The following CDH4 variants were observed in gnomAD, a reference collection of about 807,000 sequenced individuals.
The protein encoded by CDH4 is cadherin 4.
In CDH4, 33 loss-of-function variants were observed where a neutral mutation model predicts 86.0. The ratio of observed to expected loss-of-function variants is 0.38; its 90% CI spans 0.29 to 0.51. The LOEUF is 0.51. CDH4 is among the 20% of genes least tolerant of loss of function. The pLI, the probability that CDH4 is intolerant of heterozygous loss-of-function variation, is 0.86. For missense variants in CDH4, 1,114 were observed against 1,307.4 expected, an observed-to-expected ratio of 0.85 and a Z score of 2.28; for synonymous variants, 555 against 549.4, an observed-to-expected ratio of 1.01 and a Z score of -0.14.
intron 4 of CDH4, among the ~76,000 whole-genome samples, chr20:61,795,338 C>T (rs1326606480): frequency 6.6e-6 from 1 of 151,854 alleles, no homozygotes; most frequent in Non-Finnish European, 1.5e-5. Context: ...ATCCTGAGCC[C>T]CATCAGCCAG....
chr20:61,560,080 TC>T (rs1600758643), intron 2 of CDH4, among the ~76,000 whole-genome samples: 1 of 152,150 alleles, frequency 6.6e-6, no homozygotes, highest in East Asian at 1.9e-4. Flanking sequence ...ACCCTGCCAC[TC>T]GAACTTCGGA....
intron 6 of CDH4, among the ~76,000 whole-genome samples, chr20:61,868,579 C>A (rs1234842930): frequency 6.6e-6 from 1 of 152,210 alleles, no homozygotes; most frequent in Non-Finnish European, 1.5e-5. Flanking sequence ...GCAAACCAGG[C>A]GATTATACCT....
intron 4 of CDH4, among the ~76,000 whole-genome samples, chr20:61,823,650 C>A (rs1981170933): frequency 6.6e-6 from 1 of 152,134 alleles, no homozygotes; most frequent in Non-Finnish European, 1.5e-5. Flanking sequence ...CTCTTTGTAT[C>A]CCAAACCCAT....
chr20:61,743,540 A>G (rs1434410100), intron 2 of CDH4, 23 bp from the exon 3 acceptor site: 1 of 1,544,388 alleles, frequency 6.5e-7, no homozygotes, highest in Non-Finnish European at 8.8e-7. Flanking sequence ...GCCGACCCTG[A>G]CTCTCTCCCC....
At position 61,271,989 on chromosome 20, in the gene CDH4, G is replaced by A. The variant is rs1037063772; in HGVS notation, c.169+17052G>A. Among the ~76,000 whole-genome samples the A allele has an allele frequency of 3.9e-5, 6 of 152,202 alleles. 1 individual carries two copies. The highest frequency in any genetic ancestry group is 2.1e-4 in the South Asian group (1 of 4,832). On this transcript the variant is annotated intron_variant, in intron 2 of 15. Coordinates refer to ENST00000614565, the MANE Select transcript of CDH4 (RefSeq NM_001794.5). ...TGCATGGAGGACGGCCAGAGAGAGC[G>A]GGGGACCGGGAGGCAAGGCGCTGCT... is the stretch of plus-strand genomic sequence containing the variant.
intron 2 of CDH4, among the ~76,000 whole-genome samples, chr20:61,549,319 A>T (rs908147571): frequency 6.6e-6 from 1 of 152,138 alleles, no homozygotes; most frequent in Non-Finnish European, 1.5e-5. Context: ...ACTCCCTCCC[A>T]TGTCACCCCT....
intron 2 of CDH4, among the ~76,000 whole-genome samples, chr20:61,318,511 A>G (rs545908646): frequency 2.0e-5 from 3 of 151,938 alleles, no homozygotes; most frequent in South Asian, 4.2e-4. Context: ...AACCTTATCC[A>G]TTTGGTTTTA....
At chr20:61,823,338 G>A (rs897788467) in intron 4 of CDH4, among the ~76,000 whole-genome samples, 55 of 366 alleles carry the variant, frequency 0.15, no homozygotes, top group African/African-American at 0.38. Context: ...TGATGATAGT[G>A]GTGATGGCGT....
At chr20:61,658,950 G>T (rs898469639) in intron 2 of CDH4, among the ~76,000 whole-genome samples, 1 of 152,126 alleles carries the variant, frequency 6.6e-6, no homozygotes, top group Non-Finnish European at 1.5e-5. Flanking sequence ...TACATCTGTG[G>T]CCCCCGGAGC....
At chr20:61,826,914 G>A (rs1981344333) in intron 4 of CDH4, among the ~76,000 whole-genome samples, 1 of 151,260 alleles carries the variant, frequency 6.6e-6, no homozygotes, top group South Asian at 2.1e-4. Flanking sequence ...AGTTAAAAAA[G>A]CAAGGTAGAG....
At chr20:61,403,086 C>T (rs1056329149) in intron 2 of CDH4, among the ~76,000 whole-genome samples, 2 of 152,180 alleles carry the variant, frequency 1.3e-5, no homozygotes, top group African/African-American at 2.4e-5. Context: ...GTCTCTCCTG[C>T]CCCCATTCTC....
intron 2 of CDH4, among the ~76,000 whole-genome samples, chr20:61,633,201 CCATCCTTCCATCTCTTCATTCATTCATT>C (rs948194798): frequency 6.7e-6 from 1 of 149,876 alleles, no homozygotes; most frequent in African/African-American, 2.5e-5. Context: ...ATCCATTCAT[CCATCCTTCCATCTCTTCATTCATTCATT>C]CATCCATCCA....
At chr20:61,395,557 A>G (rs1026208657) in intron 2 of CDH4, among the ~76,000 whole-genome samples, 3 of 152,122 alleles carry the variant, frequency 2.0e-5, no homozygotes, top group Non-Finnish European at 4.4e-5. Context: ...AGGCAGGAGG[A>G]TCTCTTGAGC....
In CDH4 at chr20:61,852,738, T is replaced by A; in HGVS notation, c.733-16T>A. On this transcript the variant is annotated splice_polypyrimidine_tract_variant and intron_variant, in intron 5 of 15. Coordinates refer to ENST00000614565, the MANE Select transcript of CDH4 (RefSeq NM_001794.5). ...TGCCCACCCGCCACTGGGCCCTGTC[T>A]CTGCTGCTTTTCCAGCTCCGAGCCC... 3 of 1,606,374 alleles carry A rather than the reference T, an allele frequency of 1.9e-6. No individual in the cohort carries two copies. Among genetic ancestry groups the A allele is most frequent in the Non-Finnish European group, 2.6e-6 (3 of 1,175,510 alleles).
At chr20:61,570,346 C>A in intron 2 of CDH4, 1 of 280,434 alleles carries the variant, frequency 3.6e-6, no homozygotes, top group East Asian at 6.5e-5. Flanking sequence ...GAGTGAAAAG[C>A]CACTTCCCAG....
intron 4 of CDH4, among the ~76,000 whole-genome samples, chr20:61,787,098 TCATCCATCCATCCATC>T (rs113099172): frequency 6.6e-6 from 1 of 151,536 alleles, no homozygotes; most frequent in Non-Finnish European, 1.5e-5. Flanking sequence ...CATCCATCCA[TCATCCATCCATCCATC>T]CATCCATCCG....
At chr20:61,487,469 T>A (rs1220067490) in intron 2 of CDH4, among the ~76,000 whole-genome samples, 3 of 152,190 alleles carry the variant, frequency 2.0e-5, no homozygotes, top group East Asian at 3.9e-4. Flanking sequence ...TTCATTCTAA[T>A]AAGTACCATG....
rs149375024 is a variant in CDH4, at chr20:61,895,001, C to T, written c.1142C>T (p.Thr381Met). Residue 381 changes from threonine (T) to methionine (M), a missense_variant, in exon 8 of 16, where the codon ACG (threonine) becomes ATG (methionine). Transcript: ENST00000614565. The stretch of plus-strand genomic sequence containing the variant: ...TCAAACACAGCCACAGCCATCATCA[C>T]GGTGACAGATGTGAATGACAACCCG... ...GLSNTATAII[T>M]VTDVNDNPPE... The T allele has an allele frequency of 3.7e-5, 60 of 1,613,946 alleles. No individual in the cohort carries two copies. In the African/African-American group the frequency reaches 4.5e-4, roughly 12 times the overall value.
At chr20:61,906,516 C>CG (rs900759008) in intron 8 of CDH4, among the ~76,000 whole-genome samples, 1 of 152,228 alleles carries the variant, frequency 6.6e-6, no homozygotes, top group Non-Finnish European at 1.5e-5. Flanking sequence ...AAGTGGCTCC[C>CG]GGGGGAGGCC....
Sources: allele counts gnomAD v4.1 joint callset (sites outside exome capture counted in the v4.1 genomes callset), GRCh38; gene constraint gnomAD v4.1.1; transcripts MANE v1.5; gene names NCBI Gene and HGNC (gene_info 2026-07-23, HGNC 2026-07-21).